The following GPC5 variants were observed in gnomAD, a reference collection of about 807,000 sequenced individuals.
GPC5 encodes glypican 5.
In GPC5, 47 loss-of-function variants were observed where a neutral mutation model predicts 53.9. The ratio of observed to expected loss-of-function variants is 0.87; its 90% CI spans 0.69 to 1.11. The LOEUF (loss-of-function observed/expected upper bound fraction) is 1.11. Among genes scored for constraint, GPC5 ranks in the 50% most tolerant of loss-of-function variants. The pLI is 0.00. For missense variants in GPC5, 748 were observed against 713.1 expected (o/e 1.05, Z -0.56); for synonymous variants, 286 against 263.3 (o/e 1.09, Z -0.84).
In GPC5 at chr13:91,546,220, G is replaced by A. The variant is rs74105044; in HGVS notation, c.325+97298G>A. On this transcript the variant is annotated intron_variant, in intron 2 of 7. Transcript: ENST00000377067. ...AGTAGAAGAAAATAGGAAAACAGCT[G>A]CTGCATATTTACTTTTGAAAACTGT... 4.3e-3 allele frequency among the ~76,000 whole-genome samples: 648 copies of A among 152,146 alleles called. 5 individuals carry two copies. Among genetic ancestry groups the A allele is most frequent in the African/African-American group, 0.015 (620 of 41,534 alleles).
At chr13:92,253,333 T>A (rs2042705080) in intron 7 of GPC5, among the ~76,000 whole-genome samples, 1 of 151,974 alleles carries the variant, frequency 6.6e-6, no homozygotes, top group African/African-American at 2.4e-5. Context: ...AAAGATGAGA[T>A]CTCATAAACT....
At chr13:91,792,870 C>T (rs1471294344) in intron 5 of GPC5, among the ~76,000 whole-genome samples, 2 of 152,064 alleles carry the variant, frequency 1.3e-5, no homozygotes, top group South Asian at 2.1e-4. Context: ...ATGTGGTTGC[C>T]GCGTGAGTCT....
chr13:92,334,782 G>T (rs1488204735), intron 7 of GPC5, among the ~76,000 whole-genome samples: 1 of 152,164 alleles, frequency 6.6e-6, no homozygotes, highest in Non-Finnish European at 1.5e-5. Context: ...TAATAGGGCA[G>T]TCATTAAACC....
chr13:91,502,616 G>T (rs1884701616), intron 2 of GPC5, among the ~76,000 whole-genome samples: 1 of 152,124 alleles, frequency 6.6e-6, no homozygotes, highest in African/African-American at 2.4e-5. Context: ...TTAGGAAGTG[G>T]CTCAGTGAGA....
intron 6 of GPC5, among the ~76,000 whole-genome samples, chr13:92,060,649 C>G (rs966593767): frequency 6.6e-6 from 1 of 151,994 alleles, no homozygotes; most frequent in African/African-American, 2.4e-5. Flanking sequence ...TATGAAATAG[C>G]TATCCAGGAT....
intron 7 of GPC5, among the ~76,000 whole-genome samples, chr13:92,389,725 AC>A (rs1275670655): frequency 1.3e-5 from 2 of 152,118 alleles, no homozygotes. Context: ...TCAGTTTGGA[AC>A]CACTAAATAT....
chr13:92,107,904 T>G (rs575651895), intron 6 of GPC5, among the ~76,000 whole-genome samples: 3 of 152,276 alleles, frequency 2.0e-5, no homozygotes, highest in Admixed American at 1.3e-4. Context: ...CTGAGCAGAT[T>G]TGTTCTCTAA....
intron 7 of GPC5, among the ~76,000 whole-genome samples, chr13:92,403,890 A>G (rs912824525): frequency 1.3e-5 from 2 of 152,214 alleles, no homozygotes; most frequent in Non-Finnish European, 2.9e-5. Context: ...AAAGAAACAA[A>G]CACAAATACA....
At chr13:92,718,883 T>A (rs1594451641) in intron 7 of GPC5, among the ~76,000 whole-genome samples, 1 of 131,278 alleles carries the variant, frequency 7.6e-6, no homozygotes, top group Admixed American at 8.6e-5. Flanking sequence ...AGAGTGAGAC[T>A]CCGTCCCCCC....
intron 7 of GPC5, chr13:92,709,498 T>G (rs1337485484): frequency 6.6e-6 from 1 of 152,212 alleles, no homozygotes; most frequent in Non-Finnish European, 1.5e-5. Context: ...CGTTTCATGT[T>G]AATGCTTCTG....
intron 7 of GPC5, among the ~76,000 whole-genome samples, chr13:92,388,028 T>C (rs1874818207): frequency 6.6e-6 from 1 of 152,128 alleles, no homozygotes; most frequent in African/African-American, 2.4e-5. Flanking sequence ...TTGTAGTATA[T>C]TAAATTATCA....
intron 6 of GPC5, among the ~76,000 whole-genome samples, chr13:92,132,589 T>C (rs1033480581): frequency 2.0e-5 from 3 of 152,086 alleles, no homozygotes; most frequent in African/African-American, 7.2e-5. Flanking sequence ...GGCATATTCT[T>C]TGTGTCTCCG....
intron 7 of GPC5, among the ~76,000 whole-genome samples, chr13:92,257,288 A>G (rs2042732987): frequency 6.6e-6 from 1 of 152,090 alleles, no homozygotes; most frequent in Non-Finnish European, 1.5e-5. Context: ...AAAGCAAAAT[A>G]GATTCCTTAA....
intron 6 of GPC5, among the ~76,000 whole-genome samples, chr13:92,134,831 A>G (rs1035759090): frequency 6.6e-6 from 1 of 152,116 alleles, no homozygotes; most frequent in Non-Finnish European, 1.5e-5. Flanking sequence ...TTTTCGTGTC[A>G]GTATATGTAT....
chr13:92,530,645 C>G (rs1031822307), intron 7 of GPC5, among the ~76,000 whole-genome samples: 4 of 152,124 alleles, frequency 2.6e-5, no homozygotes, highest in Non-Finnish European at 5.9e-5. Flanking sequence ...AAGGCATTAT[C>G]TCTAACATTC....
intron 6 of GPC5, among the ~76,000 whole-genome samples, chr13:91,920,548 C>G (rs936687707): frequency 6.6e-6 from 1 of 152,138 alleles, no homozygotes; most frequent in Non-Finnish European, 1.5e-5. Context: ...GTGACCATCA[C>G]AATGAATGAA....
At chr13:92,711,736 G>C (rs1367068879) in intron 7 of GPC5, among the ~76,000 whole-genome samples, 1 of 151,994 alleles carries the variant, frequency 6.6e-6, no homozygotes, top group South Asian at 2.1e-4. Flanking sequence ...TATGGAACAT[G>C]TTCTCAAACC....
chr13:92,659,826 G>T (rs1200236793), intron 7 of GPC5, among the ~76,000 whole-genome samples: 5 of 152,138 alleles, frequency 3.3e-5, no homozygotes, highest in African/African-American at 1.2e-4. Flanking sequence ...AGCTGATCTG[G>T]GATATGAGAG....
chr13:92,665,995 G>T (rs1886552715), intron 7 of GPC5, among the ~76,000 whole-genome samples: 1 of 152,136 alleles, frequency 6.6e-6, no homozygotes, highest in African/African-American at 2.4e-5. Context: ...TTACTCTACT[G>T]AAAATGAGAA....
Sources: gnomAD v4.1 joint callset for allele counts (sites outside exome capture counted in the v4.1 genomes callset) on GRCh38, gnomAD v4.1.1 for gene constraint, MANE v1.5 for transcripts, NCBI Gene and HGNC (gene_info 2026-07-23, HGNC 2026-07-21) for gene names.